Variants in TMEM30A observed in about 807,000 individuals in gnomAD.
TMEM30A encodes cell division cycle 50 P4-ATPase accessory subunit A, also known as cell cycle control protein 50A.
A neutral mutation model predicts 38.2 loss-of-function variants in TMEM30A; 24 were observed. The ratio of observed to expected loss-of-function variants is 0.63; its 90% CI spans 0.46 to 0.88. The LOEUF is 0.88. Among genes scored for constraint, TMEM30A ranks in the 40% least tolerant of loss-of-function variants. TMEM30A has a pLI of 0.00. For synonymous variants in TMEM30A, 145 were observed against 161.6 expected (o/e 0.90, Z 0.78); for missense variants, 370 against 458.6 (o/e 0.81, Z 1.77).
chr6:75,272,896 A>T (rs527653126), intron 1 of TMEM30A: 1 of 152,344 alleles, frequency 6.6e-6, no homozygotes, highest in African/African-American at 2.4e-5. Flanking sequence ...CATGGTAGCC[A>T]GTGTAAAGGT....
chr6:75,261,024 T>A, intron 3 of TMEM30A, 113 bp from the exon 4 acceptor site: 1 of 639,742 alleles, frequency 1.6e-6, no homozygotes, highest in Non-Finnish European at 2.7e-6. Context: ...TTCTCACTTA[T>A]AATACACAGG....
chr6:75,260,768 T>G, intron 4 of TMEM30A, 56 bp downstream of exon 4: 1 of 1,135,912 alleles, frequency 8.8e-7, no homozygotes, highest in Non-Finnish European at 1.2e-6. Flanking sequence ...AAATCTGTAA[T>G]GAAATTATGC....
At position 75,270,735 on chromosome 6, in the gene TMEM30A, T is replaced by C. The variant is rs115551983; in HGVS notation, c.238-2987A>G. 5.6e-3 allele frequency among the ~76,000 whole-genome samples: 850 copies of C among 152,352 alleles called. 7 individuals carry two copies. The highest frequency in any genetic ancestry group is 0.02 in the African/African-American group (819 of 41,582). On this transcript the variant is annotated intron_variant, in intron 1 of 6. Coordinates refer to ENST00000230461, the MANE Select transcript of TMEM30A (RefSeq NM_018247.4). Reference sequence around the variant, plus strand: ...CTCCTTGGTAAGGTGTAACATTTAGTGGCTTTTTAAAAGTCATACATTTGC... The same window carrying C: ...CTCCTTGGTAAGGTGTAACATTTAGCGGCTTTTTAAAAGTCATACATTTGC...
At chr6:75,283,972 T>TA (rs971442282) in intron 1 of TMEM30A, among the ~76,000 whole-genome samples, 6 of 152,188 alleles carry the variant, frequency 3.9e-5, no homozygotes, top group South Asian at 2.1e-4. Context: ...CCCACAAAGG[T>TA]AATGGCACTT....
intron 3 of TMEM30A, among the ~76,000 whole-genome samples, chr6:75,261,148 T>C (rs1236193212): frequency 1.3e-5 from 2 of 152,358 alleles, no homozygotes; most frequent in South Asian, 2.1e-4. Flanking sequence ...TTTTGTCATA[T>C]ATGCATATAT....
At chr6:75,273,484 T>TAA (rs74328863) in intron 1 of TMEM30A, among the ~76,000 whole-genome samples, 13,660 of 139,926 alleles carry the variant, frequency 0.098, 710 homozygotes, top group South Asian at 0.14. Flanking sequence ...ATATTTTTAT[T>TAA]AAAAAAAAAA....
Position 75,282,580 on chromosome 6 carries a change from T to C in TMEM30A, c.237+1822A>G, listed in dbSNP as rs192319578. On this transcript the variant is annotated intron_variant, in intron 1 of 6. Transcript: ENST00000230461. ...ATTATTTTCTTCTACTTTACTAACA[T>C]TGCAGTAAAAGGATCTTAGTGTAGG... 2.0e-5 allele frequency among the ~76,000 whole-genome samples: 3 copies of C among 152,284 alleles called. No homozygotes were observed. The East Asian group carries it at 5.8e-4, about 29-fold the overall frequency.
At chr6:75,284,320 G>C in intron 1 of TMEM30A, 82 bp downstream of exon 1, 2 of 1,363,370 alleles carry the variant, frequency 1.5e-6, no homozygotes, top group Non-Finnish European at 2.1e-6. Flanking sequence ...CTGGATTCTG[G>C]GCGCTGGGAA....
chr6:75,259,555 C>G (rs1324882327), intron 4 of TMEM30A, 65 bp from the exon 5 acceptor site: 1 of 1,400,508 alleles, frequency 7.1e-7, no homozygotes. Flanking sequence ...CTGCTTAACT[C>G]TATGAGAAAT....
At chr6:75,278,000 G>A (rs1242418359) in intron 1 of TMEM30A, among the ~76,000 whole-genome samples, 1 of 152,100 alleles carries the variant, frequency 6.6e-6, no homozygotes, top group African/African-American at 2.4e-5. Flanking sequence ...ATGGAAAAAA[G>A]AGGTTGAAGA....
intron 2 of TMEM30A, 98 bp downstream of exon 2, chr6:75,267,543 T>C (rs777223911): frequency 1.2e-5 from 9 of 781,542 alleles, no homozygotes; most frequent in Non-Finnish European, 1.7e-5. Context: ...TTATACAGAC[T>C]TCTCTATAAA....
chr6:75,271,198 T>C (rs1772162018), intron 1 of TMEM30A, among the ~76,000 whole-genome samples: 1 of 152,140 alleles, frequency 6.6e-6, no homozygotes, highest in Non-Finnish European at 1.5e-5. Flanking sequence ...ACCTCTCAAA[T>C]CACTGTTTAG....
chr6:75,256,431 A>G, intron 6 of TMEM30A, 136 bp from the exon 7 acceptor site: 1 of 583,356 alleles, frequency 1.7e-6, no homozygotes, highest in East Asian at 3.1e-5. Context: ...CCTACGTTCT[A>G]AATCACACAC....
chr6:75,267,726 G>A lies in TMEM30A; in HGVS notation c.260C>T (p.Pro87Leu). 6.2e-7 allele frequency: 1 copy of A among 1,607,384 alleles called. No homozygotes were observed. Among genetic ancestry groups the A allele is most frequent in the Non-Finnish European group, 8.5e-7 (1 of 1,176,938 alleles). The change falls in exon 2 of 7, where the codon CCT becomes CTT. Residue 87 changes from proline (P) to leucine (L), a missense_variant. Transcript: ENST00000230461. ...TAAACATTTATTACAGGGACTGGAAGGCTCTGTTCCGGTATAATCAATCTG... is the reference window on the plus strand; with the variant it reads ...TAAACATTTATTACAGGGACTGGAAAGCTCTGTTCCGGTATAATCAATCTG... ...EIEIDYTGTE[P>L]SSPCNKCLSP...
intron 1 of TMEM30A, among the ~76,000 whole-genome samples, chr6:75,271,934 G>A (rs912922281): frequency 2.0e-5 from 3 of 152,142 alleles, no homozygotes; most frequent in Admixed American, 6.5e-5. Flanking sequence ...AAGCAGCAAA[G>A]ATTTGAACAG....
At chr6:75,278,861 T>C (rs916572695) in intron 1 of TMEM30A, among the ~76,000 whole-genome samples, 2 of 152,190 alleles carry the variant, frequency 1.3e-5, no homozygotes, top group Non-Finnish European at 2.9e-5. Flanking sequence ...TCGTTGTTCA[T>C]ATTAATCACC....
chr6:75,274,410 A>G (rs1242045138), intron 1 of TMEM30A, among the ~76,000 whole-genome samples: 1 of 152,214 alleles, frequency 6.6e-6, no homozygotes, highest in Non-Finnish European at 1.5e-5. Flanking sequence ...AAAAGAAGGA[A>G]ACATTAAAAC....
chr6:75,262,526 C>T (rs1771985788), intron 3 of TMEM30A, among the ~76,000 whole-genome samples: 1 of 151,862 alleles, frequency 6.6e-6, no homozygotes, highest in Non-Finnish European at 1.5e-5. Context: ...GCCTATAATC[C>T]CAGCTACTCA....
intron 1 of TMEM30A, among the ~76,000 whole-genome samples, chr6:75,281,115 A>T (rs1242934506): frequency 1.3e-5 from 2 of 152,136 alleles, no homozygotes; most frequent in Non-Finnish European, 2.9e-5. Context: ...TGTTTTTGGC[A>T]ACACTAACTT....
Sources: gnomAD v4.1 joint callset for allele counts (sites outside exome capture counted in the v4.1 genomes callset) on GRCh38, gnomAD v4.1.1 for gene constraint, MANE v1.5 for transcripts, NCBI Gene and HGNC (gene_info 2026-07-23, HGNC 2026-07-21) for gene names.